The following NFATC1 variants were observed in gnomAD, a reference collection of about 807,000 sequenced individuals.
NFATC1 encodes the protein nuclear factor of activated T-cells, cytoplasmic 1.
A neutral mutation model predicts 76.0 loss-of-function variants in NFATC1; 22 were observed. The ratio of observed to expected loss-of-function variants is 0.29; its 90% confidence interval spans 0.21 to 0.41. NFATC1 has a LOEUF of 0.41. Among genes scored for constraint, NFATC1 ranks in the 10% least tolerant of loss-of-function variants. The pLI, the probability that NFATC1 is intolerant of heterozygous loss-of-function variation, is 1.00. For synonymous variants in NFATC1, 704 were observed against 613.1 expected (o/e 1.15, Z -2.19); for missense variants, 1,357 against 1,337.7 (o/e 1.01, Z -0.23).
At chr18:79,478,777 G>A (rs1223932347) in intron 8 of NFATC1, among the ~76,000 whole-genome samples, 1 of 152,204 alleles carries the variant, frequency 6.6e-6, no homozygotes, top group African/African-American at 2.4e-5. Flanking sequence ...CCAGGACTCA[G>A]CTCCCAACGT....
At chr18:79,490,281 C>T (rs961730469) in intron 9 of NFATC1, among the ~76,000 whole-genome samples, 3 of 152,068 alleles carry the variant, frequency 2.0e-5, no homozygotes, top group Admixed American at 6.5e-5. Context: ...GGGGTGGTCC[C>T]TGGTGCAGGC....
intron 8 of NFATC1, among the ~76,000 whole-genome samples, chr18:79,485,349 G>A (rs1259769664): frequency 6.6e-6 from 1 of 152,276 alleles, no homozygotes; most frequent in Admixed American, 6.5e-5. Flanking sequence ...TGAGCCGTCT[G>A]ATGTCTCCTC....
rs1023916650 is a variant in NFATC1 at position 79,397,826 on chromosome 18, C to T, written c.127+1475C>T. Among the ~76,000 whole-genome samples the T allele has an allele frequency of 2.0e-5, 3 of 152,152 alleles. No individual in the cohort carries two copies. The East Asian group carries it at 5.8e-4, about 29-fold the overall frequency. ...AGGAAAAAACACGACGGGGCAGTGGCTAGTTTTCGTGTTTCCTACTGAAGA... is the reference window on the plus strand; with the variant it reads ...AGGAAAAAACACGACGGGGCAGTGGTTAGTTTTCGTGTTTCCTACTGAAGA... On this transcript the variant is annotated intron_variant, in intron 1 of 9. Coordinates refer to ENST00000427363, the MANE Select transcript of NFATC1 (RefSeq NM_001278669.2).
intron 9 of NFATC1, among the ~76,000 whole-genome samples, chr18:79,488,021 G>A (rs1418805372): frequency 1.3e-5 from 2 of 152,160 alleles, no homozygotes; most frequent in Non-Finnish European, 2.9e-5. Flanking sequence ...CAGTGGCCTG[G>A]GGTCCAGGCG....
Position 79,465,901 on chromosome 18 carries a change from GC to G in NFATC1, c.1960-1548del, listed in dbSNP as rs2088467533. Among the ~76,000 whole-genome samples the G allele has an allele frequency of 6.6e-6, 1 of 152,264 alleles. No individual in the cohort carries two copies. Among genetic ancestry groups the G allele is most frequent in the Non-Finnish European group, 1.5e-5 (1 of 68,042 alleles). ...GCAGCCCAGGCCCCGCCCACTGACAGCACTCATGGCCCCTCCGGCGGCAGCT... is the reference window on the plus strand; with the variant it reads ...GCAGCCCAGGCCCCGCCCACTGACAGACTCATGGCCCCTCCGGCGGCAGCT... On this transcript the variant is annotated intron_variant, in intron 7 of 9. Coordinates refer to ENST00000427363, the MANE Select transcript of NFATC1 (RefSeq NM_001278669.2). This position sits in a 1 kb window ranked among gnomAD's most constrained non-coding sequence, Gnocchi z 4.2.
rs369356979 is a variant in NFATC1, at chr18:79,486,924, G to A, written c.2769G>A (p.Leu923=). The stretch of plus-strand genomic sequence containing the variant: ...GAGAGCCTGAAGAGTTGGACCAGTT[G>A]TACCTGGATGACGGTGAGTGCCCGC... ...VKREPEELDQ[L]YLDDVNEIIR... is the part of the protein sequence containing the mutation. The change falls in exon 9 of 10, where the codon TTG becomes TTA. Residue 923 remains leucine, a synonymous_variant. Transcript: ENST00000427363. The A allele has an allele frequency of 2.1e-5, 34 of 1,595,936 alleles. No individual in the cohort carries two copies. In the East Asian group the frequency reaches 6.3e-4, roughly 30 times the overall value.
Position 79,410,782 on chromosome 18 carries a change from G to A in NFATC1, c.507G>A (p.Ser169=), listed in dbSNP as rs146706357. Residue 169 remains serine, a synonymous_variant, in exon 2 of 10, where the codon TCG becomes TCA. Transcript: ENST00000427363. This position sits in a 1 kb window ranked among gnomAD's most constrained non-coding sequence, Gnocchi z 6.7. ...LPSLEAYRDP[S]CLSPASSLSS... The stretch of plus-strand genomic sequence containing the variant: ...GCCTGGAGGCCTACAGAGACCCCTC[G>A]TGCCTGAGCCCGGCCAGCAGCCTGT... 25 of 1,612,696 alleles carry A rather than the reference G, an allele frequency of 1.6e-5. No homozygotes were observed. Among genetic ancestry groups the A allele is most frequent in the East Asian group, 4.5e-5 (2 of 44,878 alleles).
At chr18:79,486,959 G>T in intron 9 of NFATC1, 22 bp downstream of exon 9, 1 of 1,570,910 alleles carries the variant, frequency 6.4e-7, no homozygotes, top group South Asian at 1.2e-5. Flanking sequence ...CAGCCATGCA[G>T]GTGTGTGCCC....
chr18:79,460,377 T>C (rs1448757619), intron 6 of NFATC1, among the ~76,000 whole-genome samples: 8 of 152,206 alleles, frequency 5.3e-5, no homozygotes. Flanking sequence ...AGGAAGAGAC[T>C]CTGTAGGAGA....
chr18:79,427,188 G>A lies in NFATC1; in HGVS notation c.1227-6391G>A, dbSNP rs1402011178. Among the ~76,000 whole-genome samples, 5 of 152,216 alleles carry A rather than the reference G, an allele frequency of 3.3e-5. No individual in the cohort carries two copies. In the East Asian group the frequency reaches 5.8e-4, roughly 18 times the overall value. On this transcript the variant is annotated intron_variant, in intron 2 of 9. Coordinates refer to ENST00000427363, the MANE Select transcript of NFATC1 (RefSeq NM_001278669.2). ...CGATGTCTCTGTGCCATGCCGTGAC[G>A]TTGTCCTTCACGTAAAGTTTTCAAG...
At chr18:79,506,108 C>T (rs894693535) in intron 9 of NFATC1, among the ~76,000 whole-genome samples, 3 of 152,304 alleles carry the variant, frequency 2.0e-5, no homozygotes, top group South Asian at 2.1e-4. Flanking sequence ...AGCAATGCCA[C>T]GTGCTTTTTA....
chr18:79,450,586 C>A (rs561478725), intron 4 of NFATC1, among the ~76,000 whole-genome samples: 2 of 152,164 alleles, frequency 1.3e-5, no homozygotes, highest in Non-Finnish European at 2.9e-5. Context: ...TCCCCGTATA[C>A]GTGGCCAGCG....
intron 4 of NFATC1, among the ~76,000 whole-genome samples, chr18:79,449,744 G>T (rs1359730344): frequency 6.6e-6 from 1 of 152,194 alleles, no homozygotes; most frequent in Non-Finnish European, 1.5e-5. Context: ...GAAGCTGTGT[G>T]TGGGGTGCCC....
At chr18:79,427,281 A>G (rs1163552884) in intron 2 of NFATC1, among the ~76,000 whole-genome samples, 1 of 152,168 alleles carries the variant, frequency 6.6e-6, no homozygotes, top group African/African-American at 2.4e-5. Context: ...GGACCCAGGG[A>G]AGGGGGACCA....
rs1481786906 is a variant in NFATC1 at position 79,425,019 on chromosome 18, GTCTCCATCTC to G, written c.1227-8545_1227-8536del. Among the ~76,000 whole-genome samples, 207 of 136,132 alleles carry G rather than the reference GTCTCCATCTC, an allele frequency of 1.5e-3. 7 individuals are homozygous for G. The East Asian group carries it at 0.042, about 27-fold the overall frequency. 89.3% of individuals were successfully genotyped at this position (136,132 alleles called of 152,430 possible). A position where few individuals can be genotyped will look rare whatever the true frequency, so the allele number is the denominator to read the frequency against. Reference sequence around the variant, plus strand: ...TATCTCTGTGTCTGTCTCTCTCTCTGTCTCCATCTCTCTCCATCTCTCTCTCCGTCTCTGT... The same window carrying G: ...TATCTCTGTGTCTGTCTCTCTCTCTGTCTCCATCTCTCTCTCCGTCTCTGT... On this transcript the variant is annotated intron_variant, in intron 2 of 9. Transcript: ENST00000427363.
At position 79,410,524 on chromosome 18, in the gene NFATC1, G is replaced by A. The variant is rs772717323; in HGVS notation, c.249G>A (p.Ala83=). The A allele has an allele frequency of 3.7e-6, 6 of 1,611,658 alleles. No homozygotes were observed. The highest frequency in any genetic ancestry group is 1.7e-5 in the Admixed American group (1 of 59,994). The change falls in exon 2 of 10, where the codon GCG becomes GCA. Residue 83 remains alanine (A), a synonymous_variant. Transcript: ENST00000427363. The surrounding 1 kb of genome is among the most constrained non-coding windows in gnomAD (Gnocchi z 6.7). ...QTSTPGIIPP[A]DHPSGYGAAL... is the part of the protein sequence containing the mutation. ...CCACACCGGGCATCATCCCGCCGGC[G>A]GATCACCCCTCGGGGTACGGAGCAG...
intron 5 of NFATC1, among the ~76,000 whole-genome samples, 179 bp from the exon 6 acceptor site, chr18:79,451,497 G>A (rs2087471016): frequency 1.3e-5 from 2 of 152,242 alleles, no homozygotes; most frequent in East Asian, 3.9e-4. Context: ...GAGACCATCA[G>A]GATGAAGTGT....
At chr18:79,472,775 C>T (rs546727188) in intron 8 of NFATC1, among the ~76,000 whole-genome samples, 3 of 152,226 alleles carry the variant, frequency 2.0e-5, no homozygotes, top group East Asian at 1.9e-4. Context: ...GCCACCGTGG[C>T]GGCTGCCTCC....
intron 9 of NFATC1, among the ~76,000 whole-genome samples, chr18:79,490,338 C>T (rs1248973115): frequency 1.3e-5 from 2 of 150,862 alleles, no homozygotes; most frequent in African/African-American, 4.9e-5. Flanking sequence ...GGCTCAGGCT[C>T]TCGGTCATGG....
Sources: allele counts gnomAD v4.1 joint callset (sites outside exome capture counted in the v4.1 genomes callset), GRCh38; gene constraint gnomAD v4.1.1; non-coding constraint Gnocchi (gnomAD v3.1); transcripts MANE v1.5; gene names NCBI Gene and HGNC (gene_info 2026-07-23, HGNC 2026-07-21).